The following STAT5A variants were observed in gnomAD, a reference collection of about 807,000 sequenced individuals.
STAT5A encodes the protein epididymis secretory sperm binding protein.
In STAT5A, 26 loss-of-function variants were observed where a neutral mutation model predicts 100.2. That is an observed-to-expected ratio of 0.26 (90% CI 0.19 to 0.36). The LOEUF (loss-of-function observed/expected upper bound fraction) is 0.36, where lower values mean the gene tolerates loss of function less well. Among genes scored for constraint, STAT5A ranks in the 10% least tolerant of loss-of-function variants. STAT5A has a pLI of 1.00. For synonymous variants in STAT5A, 330 were observed against 424.3 expected, an observed-to-expected ratio of 0.78 and a Z score of 2.73; for missense variants, 634 against 1,027.5, an observed-to-expected ratio of 0.62 and a Z score of 5.24.
chr17:42,301,295 A>T lies in STAT5A; in HGVS notation c.1010A>T (p.Gln337Leu), dbSNP rs779610995. 6.2e-6 allele frequency: 10 copies of T among 1,613,968 alleles called. No homozygotes were observed. The South Asian group carries it at 1.1e-4, about 18-fold the overall frequency. ...LVTSTFIIEK[Q>L]PPQVLKTQTK... ...TGCAGCACATTCATCATTGAGAAGC[A>T]GCCTCCTCAGGTCCTGAAGACCCAG... The change falls in exon 9 of 19, where the codon CAG (glutamine) becomes CTG (leucine). Residue 337 changes from glutamine (Q) to leucine (L), a missense_variant. By Grantham distance (113) the Gln-to-Leu change is moderately radical. Transcript: ENST00000590949.
Position 42,311,792 on chromosome 17 carries a change from G to A in STAT5A, c.*1123G>A, listed in dbSNP as rs1851721293. ...TCCCTCTGAGGCTGTAGGACTCGCA[G>A]TCAGGGGCAGCTGACCATGGAAGAT... is the stretch of plus-strand genomic sequence containing the variant. On this transcript the variant is annotated 3_prime_UTR_variant, in exon 19 of 19. Coordinates refer to ENST00000590949, the MANE Select transcript of STAT5A (RefSeq NM_001288718.2). The A allele has an allele frequency of 6.5e-6, 1 of 152,728 alleles. No individual in the cohort carries two copies. The highest frequency in any genetic ancestry group is 2.4e-5 in the African/African-American group (1 of 41,458). The allele number at this position is 152,728 out of a possible 1,614,324, so 9.5% of individuals were successfully genotyped here.
In STAT5A at chr17:42,306,019, C is replaced by T. The variant is rs572207868; in HGVS notation, c.1474-222C>T. ...TGTTTCCTGGTCTGCATCTCTGTCC[C>T]TGCATGCCCCCACCCCCTGCATCGG... On this transcript the variant is annotated intron_variant, in intron 12 of 18. Coordinates refer to ENST00000590949, the MANE Select transcript of STAT5A (RefSeq NM_001288718.2). The T allele has an allele frequency of 2.2e-5, 16 of 742,894 alleles. No homozygotes were observed. The African/African-American group carries it at 2.3e-4, about 11-fold the overall frequency. The allele number at this position is 742,894 out of a possible 1,614,324, so 46.0% of individuals were successfully genotyped here. A position where few individuals can be genotyped will look rare whatever the true frequency, so the allele number is the denominator to read the frequency against.
At chr17:42,291,315 C>T (rs1205536847) in intron 3 of STAT5A, among the ~76,000 whole-genome samples, 2 of 152,220 alleles carry the variant, frequency 1.3e-5, no homozygotes, top group African/African-American at 4.8e-5. Context: ...CACCGCCGCT[C>T]ACCTCCTGCT....
At chr17:42,297,179 T>C (rs2080926943) in intron 5 of STAT5A, among the ~76,000 whole-genome samples, 1 of 152,126 alleles carries the variant, frequency 6.6e-6, no homozygotes, top group South Asian at 2.1e-4. Flanking sequence ...TCGAGTGATC[T>C]GCCTGCCTCG....
At chr17:42,295,947 G>A (rs942994832) in intron 5 of STAT5A, among the ~76,000 whole-genome samples, 154 bp downstream of exon 5, 17 of 152,108 alleles carry the variant, frequency 1.1e-4, no homozygotes, top group African/African-American at 4.1e-4. Context: ...AGCCCCTGCC[G>A]TGGGTCACAC....
rs1434226137 is a variant in STAT5A at position 42,289,886 on chromosome 17, A to G, written c.149A>G (p.Asn50Ser). The G allele has an allele frequency of 1.9e-6, 3 of 1,579,672 alleles. No homozygotes were observed. Among genetic ancestry groups the G allele is most frequent in the African/African-American group, 1.3e-5 (1 of 74,116 alleles). ...CCAAGGGATGCCATTGACTTGGACA[A>G]TCCCCAGGACAGAGCCCAAGCCACC... The part of the protein sequence containing the change: ...SQPWDAIDLD[N>S]PQDRAQATQL... Residue 50 changes from asparagine (N) to serine (S), a missense_variant, in exon 3 of 19, where the codon AAT (asparagine) becomes AGT (serine). By Grantham distance (46) the Asn-to-Ser change is conservative (BLOSUM62 1). Transcript: ENST00000590949.
rs2081076870 is a variant in STAT5A, at chr17:42,311,110, GAGAGAGAGAA to G, written c.*450_*459del. ...CCTAAGAGAGAGAGACAGAGAGACA[GAGAGAGAGAA>G]AGAGAGAGTGTGTGGGTCTATGTAA... On this transcript the variant is annotated 3_prime_UTR_variant, in exon 19 of 19. Coordinates refer to ENST00000590949, the MANE Select transcript of STAT5A (RefSeq NM_001288718.2). The G allele has an allele frequency of 1.5e-5, 3 of 203,626 alleles. No homozygotes were observed. Among genetic ancestry groups the G allele is most frequent in the South Asian group, 9.3e-5 (1 of 10,722 alleles). 12.6% of individuals were successfully genotyped at this position (203,626 alleles called of 1,614,324 possible).
intron 4 of STAT5A, among the ~76,000 whole-genome samples, chr17:42,293,436 T>C (rs1378436097): frequency 1.3e-5 from 2 of 151,906 alleles, no homozygotes. Flanking sequence ...AATTCCTGAC[T>C]TCAAGTGATC....
Position 42,308,845 on chromosome 17 carries a change from G to C in STAT5A, c.2063-202G>C, listed in dbSNP as rs563505362. Reference sequence around the variant, plus strand: ...AGATGGCCAGAAAAAGAACCAGAAGGAATGGGATTCAAGCCAGGGGTCTCA... The same window carrying C: ...AGATGGCCAGAAAAAGAACCAGAAGCAATGGGATTCAAGCCAGGGGTCTCA... On this transcript the variant is annotated intron_variant, in intron 16 of 18. Coordinates refer to ENST00000590949, the MANE Select transcript of STAT5A (RefSeq NM_001288718.2). The surrounding 1 kb of genome is among the most constrained non-coding windows in gnomAD (Gnocchi z 4.6). The C allele has an allele frequency of 9.4e-6, 6 of 635,742 alleles. No homozygotes were observed. The African/African-American group carries it at 1.1e-4, about 12-fold the overall frequency. The allele number at this position is 635,742 out of a possible 1,614,324, so 39.4% of individuals were successfully genotyped here.
chr17:42,289,492 C>A lies in STAT5A; in HGVS notation c.81C>A (p.Pro27=). The change falls in exon 2 of 19, where the codon CCC becomes CCA. Residue 27 remains proline (P), a synonymous_variant. Coordinates refer to ENST00000590949, the MANE Select transcript of STAT5A (RefSeq NM_001288718.2). ...AGGTGCTGTACGGCCAGCACTTCCC[C>A]ATCGAGGTCCGGCACTACTTGGCCC... ...QMQVLYGQHF[P]IEVRHYLAQW... is the part of the protein sequence containing the mutation. 6.2e-7 allele frequency: 1 copy of A among 1,613,334 alleles called. No individual in the cohort carries two copies. Among genetic ancestry groups the A allele is most frequent in the Admixed American group, 1.7e-5 (1 of 60,018 alleles).
intron 5 of STAT5A, among the ~76,000 whole-genome samples, chr17:42,298,721 T>C (rs2080944948): frequency 6.6e-6 from 1 of 150,562 alleles, no homozygotes; most frequent in Non-Finnish European, 1.5e-5. Context: ...TCACCTGACC[T>C]CGTGATCTGC....
chr17:42,290,251 G>A, intron 3 of STAT5A: 1 of 501,418 alleles, frequency 2.0e-6, no homozygotes, highest in Non-Finnish European at 3.3e-6. Context: ...AGAGAGAGAT[G>A]GGTGAACTGG....
chr17:42,288,105 C>T (rs992511474), upstream of STAT5A: 2 of 152,226 alleles, frequency 1.3e-5, no homozygotes, highest in African/African-American at 4.8e-5. The surrounding 1 kb of genome is among the most constrained non-coding windows in gnomAD (Gnocchi z 4.8). Context: ...GCCAATTGGT[C>T]CACTTTTCCC....
intron 3 of STAT5A, among the ~76,000 whole-genome samples, chr17:42,290,757 C>T (rs1291453018): frequency 2.6e-5 from 4 of 152,138 alleles, no homozygotes; most frequent in Non-Finnish European, 4.4e-5. Flanking sequence ...CACTTGGTTG[C>T]GTCTGGACGA....
intron 11 of STAT5A, among the ~76,000 whole-genome samples, chr17:42,305,183 G>A (rs1009324817): frequency 3.9e-5 from 6 of 152,014 alleles, no homozygotes; most frequent in African/African-American, 7.2e-5. Context: ...CTGGGCGACC[G>A]AGCGAGACCC....
At chr17:42,295,284 G>A (rs895996601) in intron 4 of STAT5A, among the ~76,000 whole-genome samples, 6 of 152,160 alleles carry the variant, frequency 3.9e-5, no homozygotes, top group Non-Finnish European at 2.9e-5. Context: ...CACCTGGGAC[G>A]TGTTGAGTTC....
intron 5 of STAT5A, 147 bp from the exon 6 acceptor site, chr17:42,299,604 C>A: frequency 7.3e-7 from 1 of 1,362,668 alleles, no homozygotes; most frequent in Non-Finnish European, 9.9e-7. Context: ...TCATCTTGGC[C>A]CCCCTGGCTG....
chr17:42,309,782 AC>A (rs1330858319), intron 18 of STAT5A: 1 of 309,632 alleles, frequency 3.2e-6, no homozygotes, highest in Non-Finnish European at 6.0e-6. Context: ...TGAGCATTAA[AC>A]TGAGACAGTG....
rs1416483938 is a variant in STAT5A at position 42,299,803 on chromosome 17, G to A, written c.603G>A (p.Glu201=). The part of the protein sequence containing the change: ...QLSPQERLSR[E]TALQQKQVSL... ...GCCCCCAGGAGCGTCTGAGCCGGGAGACGGCCCTCCAGCAGAAGCAGGTGT... is the reference window on the plus strand; with the variant it reads ...GCCCCCAGGAGCGTCTGAGCCGGGAAACGGCCCTCCAGCAGAAGCAGGTGT... Residue 201 remains glutamate (E), a synonymous_variant, in exon 6 of 19, where the codon GAG becomes GAA. Coordinates refer to ENST00000590949, the MANE Select transcript of STAT5A (RefSeq NM_001288718.2). 8 of 1,614,008 alleles carry A rather than the reference G, an allele frequency of 5.0e-6. No individual in the cohort carries two copies. The highest frequency in any genetic ancestry group is 6.8e-6 in the Non-Finnish European group (8 of 1,179,986).
Sources: gnomAD v4.1 joint callset for allele counts (sites outside exome capture counted in the v4.1 genomes callset) on GRCh38, gnomAD v4.1.1 for gene constraint, Gnocchi (gnomAD v3.1) non-coding constraint, MANE v1.5 for transcripts, NCBI Gene and HGNC (gene_info 2026-07-23, HGNC 2026-07-21) for gene names.